The following CALN1 variants were observed in gnomAD, a reference collection of about 807,000 sequenced individuals.
CALN1 encodes the protein calcium-binding protein 8.
A neutral mutation model predicts 30.6 loss-of-function variants in CALN1; 17 were observed. That is an observed-to-expected ratio of 0.56 (90% CI 0.38 to 0.83). The LOEUF is 0.83. CALN1 is among the 40% of genes least tolerant of loss of function. The pLI is 0.00. For missense variants in CALN1, 291 were observed against 354.9 expected, an observed-to-expected ratio of 0.82 and a Z score of 1.45; for synonymous variants, 156 against 131.4, an observed-to-expected ratio of 1.19 and a Z score of -1.28.
intron 1 of CALN1, among the ~76,000 whole-genome samples, chr7:72,421,603 G>A (rs71551263): frequency 1.6e-3 from 64 of 40,250 alleles, no homozygotes; most frequent in African/African-American, 6.6e-3. Flanking sequence ...TTTTTTTTTA[G>A]ACTAAGTCTT....
At chr7:72,288,284 T>C (rs1293947629) in intron 2 of CALN1, among the ~76,000 whole-genome samples, 2 of 152,116 alleles carry the variant, frequency 1.3e-5, no homozygotes, top group African/African-American at 4.8e-5. Context: ...GAGATGTTCA[T>C]AAAAGGTCTC....
chr7:72,392,322 G>C (rs1028492635), intron 2 of CALN1, among the ~76,000 whole-genome samples: 1 of 152,180 alleles, frequency 6.6e-6, no homozygotes, highest in Non-Finnish European at 1.5e-5. Context: ...GATTCCACAA[G>C]CGCAGGATGG....
chr7:72,291,528 C>T (rs1161248086), intron 2 of CALN1, among the ~76,000 whole-genome samples: 1 of 152,222 alleles, frequency 6.6e-6, no homozygotes, highest in South Asian at 2.1e-4. Flanking sequence ...AGGCAGTGTA[C>T]ATTTGGACTG....
chr7:72,292,239 CA>C (rs1798534777), intron 2 of CALN1, among the ~76,000 whole-genome samples: 1 of 151,766 alleles, frequency 6.6e-6, no homozygotes, highest in East Asian at 2.0e-4. Context: ...CCTGGAAGGC[CA>C]AAATCAGGGT....
Position 71,847,847 on chromosome 7 carries a change from G to GAGAAGGAGAAGGAGAAGAAGA in CALN1, c.502-37356_502-37355insTCTTCTTCTCCTTCTCCTTCT, listed in dbSNP as rs746393698. On this transcript the variant is annotated intron_variant, in intron 5 of 6. Coordinates refer to ENST00000395275, the MANE Select transcript of CALN1 (RefSeq NM_031468.4). ...GGAGAAGGAGAAGGAGAAGGAGAAG[G>GAGAAGGAGAAGGAGAAGAAGA]AGAAGAAGAAGAGGAAAGTTTTCCC... Among the ~76,000 whole-genome samples, 110 of 134,882 alleles carry GAGAAGGAGAAGGAGAAGAAGA rather than the reference G, an allele frequency of 8.2e-4. 1 individual carries two copies. Among genetic ancestry groups the GAGAAGGAGAAGGAGAAGAAGA allele is most frequent in the African/African-American group, 3.2e-3 (109 of 34,294 alleles). 88.5% of individuals were successfully genotyped at this position (134,882 alleles called of 152,430 possible). A position where few individuals can be genotyped will look rare whatever the true frequency, so the allele number is the denominator to read the frequency against.
At chr7:72,366,302 T>A (rs1025717045) in intron 2 of CALN1, among the ~76,000 whole-genome samples, 1 of 152,018 alleles carries the variant, frequency 6.6e-6, no homozygotes, top group Non-Finnish European at 1.5e-5. Context: ...GCCTCCCAAG[T>A]AGCTGGGATT....
chr7:71,902,270 A>C (rs561502025), intron 5 of CALN1, among the ~76,000 whole-genome samples: 51 of 112,550 alleles, frequency 4.5e-4, no homozygotes, highest in African/African-American at 1.6e-3. Flanking sequence ...CCAACCAATC[A>C]AAAAAAAAAA....
At chr7:72,322,487 GTTCCT>G (rs1229594529) in intron 2 of CALN1, among the ~76,000 whole-genome samples, 4 of 152,126 alleles carry the variant, frequency 2.6e-5, no homozygotes, top group African/African-American at 9.7e-5. Flanking sequence ...TAATTCCTAA[GTTCCT>G]TTCCATTTCT....
chr7:71,792,353 G>T (rs535606129), intron 6 of CALN1, among the ~76,000 whole-genome samples: 2 of 152,052 alleles, frequency 1.3e-5, no homozygotes, highest in East Asian at 1.9e-4. Flanking sequence ...GAATTATTTC[G>T]CCATGGTCTC....
At chr7:72,448,699 G>A (rs534522933), upstream of CALN1, among the ~76,000 whole-genome samples, 59 of 151,868 alleles carry the variant, frequency 3.9e-4, no homozygotes, top group Non-Finnish European at 7.4e-4. Flanking sequence ...TCCGTCTCCT[G>A]AGTTCAAGCA....
chr7:71,957,091 C>G, intron 5 of CALN1, among the ~76,000 whole-genome samples: 1 of 151,926 alleles, frequency 6.6e-6, no homozygotes, highest in East Asian at 1.9e-4. Flanking sequence ...AATGAGACAC[C>G]GAGAGAAGCT....
chr7:72,443,022 A>G (rs756009291), intron 1 of CALN1, among the ~76,000 whole-genome samples: 1 of 152,212 alleles, frequency 6.6e-6, no homozygotes, highest in Non-Finnish European at 1.5e-5. Context: ...CACTTTATGT[A>G]GGGTTGCACT....
intron 2 of CALN1, among the ~76,000 whole-genome samples, chr7:72,368,232 A>G (rs913547561): frequency 1.7e-4 from 25 of 150,744 alleles, no homozygotes; most frequent in Admixed American, 1.5e-3. Flanking sequence ...CGTGATATAT[A>G]TATCTAGGAT....
At chr7:72,181,173 G>A (rs935989503) in intron 3 of CALN1, among the ~76,000 whole-genome samples, 2 of 143,722 alleles carry the variant, frequency 1.4e-5, no homozygotes, top group African/African-American at 5.2e-5. Flanking sequence ...AAGTACCATG[G>A]AAGTAAGTCT....
chr7:72,066,605 C>T (rs1378412455), intron 4 of CALN1, among the ~76,000 whole-genome samples: 1 of 151,950 alleles, frequency 6.6e-6, no homozygotes, highest in Non-Finnish European at 1.5e-5. Flanking sequence ...TTGTAGACAG[C>T]TACTATATGT....
At chr7:71,915,641 G>A (rs181778808) in intron 5 of CALN1, among the ~76,000 whole-genome samples, 1 of 152,298 alleles carries the variant, frequency 6.6e-6, no homozygotes, top group Admixed American at 6.5e-5. Flanking sequence ...GGCTGAGGCA[G>A]GAGAATCACT....
chr7:72,261,626 C>G (rs926474523), intron 3 of CALN1, among the ~76,000 whole-genome samples: 5 of 152,088 alleles, frequency 3.3e-5, no homozygotes, highest in African/African-American at 1.2e-4. Flanking sequence ...TGGGATCTTC[C>G]TATGTTGCCC....
chr7:72,150,839 G>C (rs1203427222), intron 3 of CALN1, among the ~76,000 whole-genome samples: 2 of 151,814 alleles, frequency 1.3e-5, no homozygotes, highest in Non-Finnish European at 2.9e-5. Context: ...GTCCAGCATA[G>C]AGTAGATGCT....
At chr7:71,988,411 G>A (rs1045769824) in intron 5 of CALN1, among the ~76,000 whole-genome samples, 5 of 152,058 alleles carry the variant, frequency 3.3e-5, no homozygotes, top group Admixed American at 6.6e-5. Flanking sequence ...CAGAAACTGC[G>A]GCAGAGGCGG....
Sources: gnomAD v4.1 joint callset for allele counts (sites outside exome capture counted in the v4.1 genomes callset) on GRCh38, gnomAD v4.1.1 for gene constraint, MANE v1.5 for transcripts, NCBI Gene and HGNC (gene_info 2026-07-23, HGNC 2026-07-21) for gene names.